Variants in RBFOX1 observed in about 807,000 individuals in gnomAD.
RBFOX1 encodes RNA binding fox-1 homolog 1.
A neutral mutation model predicts 57.7 loss-of-function variants in RBFOX1; 8 were observed. That is an observed-to-expected ratio of 0.14 (90% CI 0.08 to 0.25). The LOEUF (loss-of-function observed/expected upper bound fraction) is 0.25. RBFOX1 is among the 10% of genes least tolerant of loss of function. RBFOX1 has a pLI of 1.00. For synonymous variants in RBFOX1, 326 were observed against 222.4 expected, an observed-to-expected ratio of 1.47 and a Z score of -4.15; for missense variants, 611 against 548.5, an observed-to-expected ratio of 1.11 and a Z score of -1.14.
intron 3 of RBFOX1, among the ~76,000 whole-genome samples, chr16:6,855,456 C>G (rs143180690): frequency 6.6e-6 from 1 of 151,946 alleles, no homozygotes; most frequent in Non-Finnish European, 1.5e-5. Flanking sequence ...TCGAGACCAT[C>G]CTGGCTAACA....
intron 2 of RBFOX1, among the ~76,000 whole-genome samples, chr16:6,378,278 C>T (rs896474399): frequency 3.3e-5 from 5 of 152,216 alleles, no homozygotes; most frequent in African/African-American, 2.4e-5. Flanking sequence ...CCGTGCTCAC[C>T]TTTCACCTCT....
chr16:7,609,788 T>C (rs976880191), intron 10 of RBFOX1, among the ~76,000 whole-genome samples: 4 of 150,516 alleles, frequency 2.7e-5, no homozygotes, highest in African/African-American at 9.9e-5. Flanking sequence ...TTACAACCAG[T>C]TGATACTGGT....
chr16:7,173,931 C>G (rs1002479497), intron 4 of RBFOX1, among the ~76,000 whole-genome samples: 1 of 152,178 alleles, frequency 6.6e-6, no homozygotes, highest in Non-Finnish European at 1.5e-5. Context: ...GTATCCCACC[C>G]TGGGTGACGC....
chr16:7,500,018 C>A (rs9938389), intron 4 of RBFOX1, among the ~76,000 whole-genome samples: 6,208 of 152,218 alleles, frequency 0.041, 430 homozygotes, highest in African/African-American at 0.14. Flanking sequence ...CATGCAAAAC[C>A]TCTTCTTCCT....
At chr16:7,232,163 A>G (rs2152924076) in intron 4 of RBFOX1, among the ~76,000 whole-genome samples, 1 of 152,224 alleles carries the variant, frequency 6.6e-6, no homozygotes, top group South Asian at 2.1e-4. Context: ...AGCTGAGACT[A>G]CAGGTACATA....
intron 3 of RBFOX1, among the ~76,000 whole-genome samples, chr16:6,861,403 C>G (rs979987768): frequency 2.6e-5 from 4 of 152,038 alleles, no homozygotes; most frequent in Admixed American, 2.0e-4. Context: ...TCAAGCAGTT[C>G]CCTAATGTCT....
At chr16:6,894,471 G>T (rs1007960592) in intron 3 of RBFOX1, among the ~76,000 whole-genome samples, 17 of 152,068 alleles carry the variant, frequency 1.1e-4, no homozygotes, top group African/African-American at 4.1e-4. Context: ...TTATCTTTTG[G>T]TTGGACTCCT....
intron 3 of RBFOX1, among the ~76,000 whole-genome samples, chr16:6,696,788 T>C (rs1209834306): frequency 6.6e-6 from 1 of 152,104 alleles, no homozygotes. Context: ...TTTAGTTTTG[T>C]AGAAAAAAAG....
At chr16:6,530,333 C>G (rs761362923) in intron 2 of RBFOX1, among the ~76,000 whole-genome samples, 2 of 152,132 alleles carry the variant, frequency 1.3e-5, no homozygotes, top group African/African-American at 2.4e-5. Flanking sequence ...TTTACTGTCA[C>G]TCACATAGTT....
rs57190040 is a variant in RBFOX1, at chr16:6,137,606, A to ATT, written c.-127+117640_-127+117641dup. ...TAGGTGTGAGGCACTGCGCCTGGTC[A>ATT]TTTTTTTTTTTTTTTTTTTTTTTTT... On this transcript the variant is annotated intron_variant, in intron 1 of 15. Transcript: ENST00000550418. Among the ~76,000 whole-genome samples the ATT allele has an allele frequency of 4.6e-4, 45 of 98,362 alleles. 1 individual carries two copies. Among genetic ancestry groups the ATT allele is most frequent in the African/African-American group, 1.0e-3 (22 of 21,972 alleles). The allele number at this position is 98,362 out of a possible 152,430, so 64.5% of individuals were successfully genotyped here.
chr16:5,631,035 G>T (rs768600220), intron 3 of RBFOX1, among the ~76,000 whole-genome samples: 1 of 152,206 alleles, frequency 6.6e-6, no homozygotes, highest in Non-Finnish European at 1.5e-5. Context: ...GTATCTAGAG[G>T]TTGTCCACAA....
chr16:6,406,666 C>G (rs1008646422), intron 2 of RBFOX1, among the ~76,000 whole-genome samples: 4 of 151,574 alleles, frequency 2.6e-5, no homozygotes, highest in African/African-American at 7.3e-5. Context: ...TGTTCCTATG[C>G]TCGGTCAATT....
intron 1 of RBFOX1, among the ~76,000 whole-genome samples, chr16:6,296,947 G>A (rs772700948): frequency 3.3e-5 from 5 of 152,202 alleles, no homozygotes; most frequent in Admixed American, 6.5e-5. Flanking sequence ...ATGGTTACTC[G>A]ATGGAGAAAG....
chr16:6,258,451 A>C (rs537926228), intron 1 of RBFOX1, among the ~76,000 whole-genome samples: 1 of 152,292 alleles, frequency 6.6e-6, no homozygotes, highest in African/African-American at 2.4e-5. Context: ...CATGAGCATG[A>C]GTGCATGTAC....
At chr16:7,484,283 G>A (rs2064804737) in intron 4 of RBFOX1, among the ~76,000 whole-genome samples, 2 of 152,192 alleles carry the variant, frequency 1.3e-5, no homozygotes, top group Non-Finnish European at 2.9e-5. Context: ...TATTAAGAAT[G>A]CTGTGGAATT....
chr16:7,463,310 C>A (rs2059911565), intron 4 of RBFOX1, among the ~76,000 whole-genome samples: 2 of 152,140 alleles, frequency 1.3e-5, no homozygotes, highest in African/African-American at 4.8e-5. Context: ...TCAAGACCAG[C>A]ATGGGCAACA....
At chr16:6,559,270 C>G (rs1355012561) in intron 2 of RBFOX1, among the ~76,000 whole-genome samples, 2 of 151,996 alleles carry the variant, frequency 1.3e-5, no homozygotes, top group African/African-American at 4.8e-5. Context: ...TTAGACAAAA[C>G]ACCCAAACAG....
intron 3 of RBFOX1, among the ~76,000 whole-genome samples, chr16:5,703,132 G>A (rs7194023): frequency 6.6e-6 from 1 of 152,154 alleles, no homozygotes; most frequent in African/African-American, 2.4e-5. Context: ...ACAGTCTAAG[G>A]CATGAGAGAG....
chr16:7,092,388 A>G (rs1280643730), intron 4 of RBFOX1, among the ~76,000 whole-genome samples: 5 of 152,250 alleles, frequency 3.3e-5, no homozygotes, highest in Admixed American at 6.5e-5. Context: ...CTCTGTTTCA[A>G]AAAATGAGAT....
Sources: allele counts gnomAD v4.1 joint callset (sites outside exome capture counted in the v4.1 genomes callset), GRCh38; gene constraint gnomAD v4.1.1; transcripts MANE v1.5; gene names NCBI Gene and HGNC (gene_info 2026-07-23, HGNC 2026-07-21).